The following ABCA9 variants were observed in gnomAD, a reference collection of about 807,000 sequenced individuals.
The protein encoded by ABCA9 is ATP-binding cassette sub-family A member 9.
In ABCA9, 183 loss-of-function variants were observed where a neutral mutation model predicts 205.3. The ratio of observed to expected loss-of-function variants is 0.89; its 90% CI spans 0.79 to 1.01. ABCA9 has a LOEUF of 1.01. ABCA9 is among the 50% of genes least tolerant of loss of function. The pLI is 0.00. For missense variants in ABCA9, 1,805 were observed against 1,912.4 expected (o/e 0.94, Z 1.05); for synonymous variants, 651 against 683.3 (o/e 0.95, Z 0.74).
the ABCA9 span, among the ~76,000 whole-genome samples, chr17:69,075,305 T>C: frequency 6.6e-6 from 1 of 152,292 alleles, no homozygotes; most frequent in Non-Finnish European, 1.5e-5. Context: ...GACTTAGTCA[T>C]AAATTCTTTC....
chr17:69,011,644 G>T (rs976577702), intron 23 of ABCA9, among the ~76,000 whole-genome samples: 1 of 152,138 alleles, frequency 6.6e-6, no homozygotes, highest in African/African-American at 2.4e-5. Flanking sequence ...AGTAGCTTTA[G>T]CACCATCTGG....
chr17:69,050,936 T>G (rs1467134216), intron 2 of ABCA9, 95 bp downstream of exon 2: 5 of 1,128,772 alleles, frequency 4.4e-6, no homozygotes, highest in Non-Finnish European at 6.2e-6. Flanking sequence ...TACACATATG[T>G]GCAATGTTAA....
chr17:69,059,760 A>T (rs1055448), intron 1 of ABCA9, among the ~76,000 whole-genome samples: 4 of 151,646 alleles, frequency 2.6e-5, no homozygotes, highest in African/African-American at 9.7e-5. Context: ...AGAACAAGAC[A>T]GGAAGACATT....
At chr17:69,048,947 A>G (rs974378584) in intron 3 of ABCA9, among the ~76,000 whole-genome samples, 4 of 152,188 alleles carry the variant, frequency 2.6e-5, no homozygotes, top group African/African-American at 9.6e-5. Context: ...AAAATGATGT[A>G]TAGTTTCTCT....
chr17:69,003,805 T>C (rs1490644704), intron 25 of ABCA9, among the ~76,000 whole-genome samples: 3 of 151,854 alleles, frequency 2.0e-5, no homozygotes, highest in Non-Finnish European at 2.9e-5. Context: ...TTCTTGGAGG[T>C]TTTGCTGATT....
intron 31 of ABCA9, 42 bp downstream of exon 31, chr17:68,988,985 G>T: frequency 8.3e-7 from 1 of 1,209,268 alleles, no homozygotes; most frequent in Non-Finnish European, 1.2e-6. Context: ...AATATTCTTT[G>T]TAGGTAGCAC....
Position 69,054,188 on chromosome 17 carries a change from AAAG to A in ABCA9, c.-13-3052_-13-3050del, listed in dbSNP as rs2071996095. Among the ~76,000 whole-genome samples the A allele has an allele frequency of 2.6e-5, 4 of 152,258 alleles. No individual in the cohort carries two copies. In the South Asian group the frequency reaches 8.3e-4, roughly 32 times the overall value. On this transcript the variant is annotated intron_variant, in intron 1 of 38. Coordinates refer to ENST00000340001, the MANE Select transcript of ABCA9 (RefSeq NM_080283.4). ...GTAGACCTGCCTTGCAAAAATATGA[AAAG>A]AAGTTATTTCAAAAGAAGTAAAATG... is the stretch of plus-strand genomic sequence containing the variant.
At position 69,016,299 on chromosome 17, in the gene ABCA9, A is replaced by C; in HGVS notation, c.2993T>G (p.Phe998Cys). The C allele has an allele frequency of 6.2e-7, 1 of 1,601,344 alleles. No individual in the cohort carries two copies. The highest frequency in any genetic ancestry group is 1.1e-5 in the South Asian group (1 of 88,984). ...DVISNGLLGI[F>C]NSSEHIQTDR... is the part of the protein sequence containing the mutation. ...AGTCTGAATGTGTTCTGACGAATTA[A>C]AAATTCCAAGTAGTCCATTGCTAAT... Residue 998 changes from phenylalanine to cysteine, a missense_variant, in exon 22 of 39, where the codon TTT (phenylalanine) becomes TGT (cysteine). By Grantham distance (205) the Phe-to-Cys change is radical. Coordinates refer to ENST00000340001, the MANE Select transcript of ABCA9 (RefSeq NM_080283.4).
chr17:68,983,209 T>G (rs901725344), intron 36 of ABCA9, among the ~76,000 whole-genome samples: 44 of 152,126 alleles, frequency 2.9e-4, no homozygotes, highest in Non-Finnish European at 7.4e-5. Context: ...GAAGCAGAAC[T>G]TCTTATCCTT....
chr17:69,018,841 T>C (rs1020729798), intron 19 of ABCA9, among the ~76,000 whole-genome samples: 2 of 151,940 alleles, frequency 1.3e-5, no homozygotes, highest in African/African-American at 2.4e-5. Context: ...CTCTTAAATC[T>C]CTCTTCACAA....
intron 25 of ABCA9, among the ~76,000 whole-genome samples, chr17:69,004,509 C>T (rs1462378111): frequency 6.6e-6 from 1 of 152,240 alleles, no homozygotes; most frequent in East Asian, 1.9e-4. Flanking sequence ...CCACTGCTTT[C>T]TTCAAAGCTG....
intron 1 of ABCA9, among the ~76,000 whole-genome samples, chr17:69,053,145 C>T (rs1351263059): frequency 6.6e-6 from 1 of 152,176 alleles, no homozygotes; most frequent in Non-Finnish European, 1.5e-5. Context: ...GAGATTAACT[C>T]GAACTCAATC....
intron 36 of ABCA9, among the ~76,000 whole-genome samples, chr17:68,982,848 A>C (rs987173144): frequency 6.6e-6 from 1 of 152,240 alleles, no homozygotes; most frequent in East Asian, 1.9e-4. Flanking sequence ...CCACAAAAAA[A>C]CTTAAAAATT....
At chr17:69,020,253 A>G in intron 19 of ABCA9, 135 bp downstream of exon 19, 1 of 838,076 alleles carries the variant, frequency 1.2e-6, no homozygotes, top group Non-Finnish European at 1.8e-6. Flanking sequence ...TCTTTAATTA[A>G]AAAATGATTT....
In ABCA9 at chr17:68,975,394, C is replaced by A. The variant is rs1181027357; in HGVS notation, c.*521G>T. The stretch of plus-strand genomic sequence containing the variant: ...GCACAACAGACAAAACATGGACTCA[C>A]AATCTAAACTCTGAAAAATGACAGA... On this transcript the variant is annotated 3_prime_UTR_variant, in exon 39 of 39. Transcript: ENST00000340001. 6.5e-6 allele frequency: 1 copy of A among 152,686 alleles called. No homozygotes were observed. The highest frequency in any genetic ancestry group is 1.5e-5 in the Non-Finnish European group (1 of 68,540). 9.5% of individuals were successfully genotyped at this position (152,686 alleles called of 1,614,324 possible). A position where few individuals can be genotyped will look rare whatever the true frequency, so the allele number is the denominator to read the frequency against.
chr17:69,065,783 C>T (rs1369986451), upstream of ABCA9, among the ~76,000 whole-genome samples: 1 of 152,102 alleles, frequency 6.6e-6, no homozygotes, highest in Admixed American at 6.5e-5. Context: ...AATTATAGTT[C>T]CCATAATCCC....
chr17:69,046,872 ATACTATATATATAT>A (rs1280696675), intron 3 of ABCA9, among the ~76,000 whole-genome samples: 27 of 89,432 alleles, frequency 3.0e-4, no homozygotes, highest in Non-Finnish European at 5.0e-4. Context: ...AGGCGATTTT[ATACTATATATATAT>A]ATATATATAT....
At position 69,013,029 on chromosome 17, in the gene ABCA9, G is replaced by A. The variant is rs982146950; in HGVS notation, c.3040-946C>T. On this transcript the variant is annotated intron_variant, in intron 22 of 38. Coordinates refer to ENST00000340001, the MANE Select transcript of ABCA9 (RefSeq NM_080283.4). Reference sequence around the variant, plus strand: ...CATAGTGATCTCCAGTTCCATCTACGTTGTTGCAAATGACAGGTTTTCATT... The same window carrying A: ...CATAGTGATCTCCAGTTCCATCTACATTGTTGCAAATGACAGGTTTTCATT... 1.4e-4 allele frequency among the ~76,000 whole-genome samples: 22 copies of A among 152,214 alleles called. No homozygotes were observed. The South Asian group carries it at 2.5e-3, about 17-fold the overall frequency.
chr17:69,046,531 G>A (rs544524794), intron 3 of ABCA9, among the ~76,000 whole-genome samples: 2 of 152,168 alleles, frequency 1.3e-5, no homozygotes, highest in Admixed American at 1.3e-4. Flanking sequence ...GTTTCAAAAT[G>A]GTGATGTTTT....
Sources: gnomAD v4.1 joint callset for allele counts (sites outside exome capture counted in the v4.1 genomes callset) on GRCh38, gnomAD v4.1.1 for gene constraint, MANE v1.5 for transcripts, NCBI Gene and HGNC (gene_info 2026-07-23, HGNC 2026-07-21) for gene names.